ENOX2: variants seen among roughly 807,000 people sequenced by gnomAD.
ENOX2 encodes the protein APK1 antigen.
In ENOX2, 36 loss-of-function variants were observed where a neutral mutation model predicts 45.0. The observed-to-expected ratio is 0.80, with a 90% confidence interval of 0.61 to 1.06. The LOEUF is 1.06. ENOX2 is among the 50% of genes least tolerant of loss of function. The probability of loss-of-function intolerance (pLI) is 0.00; values close to 1 mark genes in which losing one functional copy is unlikely to be tolerated. For missense variants in ENOX2, 423 were observed against 462.5 expected, an observed-to-expected ratio of 0.91 and a Z score of 0.78; for synonymous variants, 174 against 152.3, an observed-to-expected ratio of 1.14 and a Z score of -1.05.
Position 130,872,977 on chromosome X carries a change from T to C in ENOX2, c.-183+28707A>G, listed in dbSNP as rs145037585. 9.0e-3 allele frequency among the ~76,000 whole-genome samples: 1,002 copies of C among 111,672 alleles called. 7 individuals are homozygous for C. Among genetic ancestry groups the C allele is most frequent in the East Asian group, 0.051 (181 of 3,536 alleles). The stretch of plus-strand genomic sequence containing the variant: ...AACCTAGGCAATACCATTCAGGACA[T>C]AGGCATGGGCAAAGACTTCATGAAT... On this transcript the variant is annotated intron_variant, in intron 2 of 14. Transcript: ENST00000394363.
intron 2 of ENOX2, among the ~76,000 whole-genome samples, chrX:130,805,660 G>C (rs766034526): frequency 9.0e-6 from 1 of 111,044 alleles, no homozygotes; most frequent in East Asian, 2.8e-4. Flanking sequence ...ATACATGCTG[G>C]GACACATTTT....
intron 3 of ENOX2, among the ~76,000 whole-genome samples, chrX:130,762,532 T>C (rs1016389126): frequency 4.5e-5 from 5 of 112,271 alleles, no homozygotes; most frequent in Non-Finnish European, 7.5e-5. Flanking sequence ...CAATGAGTTG[T>C]GATCATGCCA....
intron 6 of ENOX2, among the ~76,000 whole-genome samples, chrX:130,678,696 C>T (rs1033067186): frequency 6.3e-5 from 7 of 110,586 alleles, no homozygotes; most frequent in Non-Finnish European, 1.3e-4. Context: ...TTCCTCGGAG[C>T]ACTTAGTACT....
intron 5 of ENOX2, among the ~76,000 whole-genome samples, chrX:130,683,635 C>G (rs2037371037): frequency 9.0e-6 from 1 of 110,941 alleles, no homozygotes; most frequent in Admixed American, 9.6e-5. Context: ...CATAGAAGGT[C>G]TAATCGCTGA....
chrX:130,684,774 G>A (rs1181641290), intron 5 of ENOX2, among the ~76,000 whole-genome samples: 2 of 111,260 alleles, frequency 1.8e-5, no homozygotes, highest in African/African-American at 3.3e-5. Flanking sequence ...CTCCAGTATG[G>A]GCAACATGGC....
At chrX:130,770,488 T>C (rs1010198874) in intron 3 of ENOX2, among the ~76,000 whole-genome samples, 1 of 110,482 alleles carries the variant, frequency 9.1e-6, no homozygotes, top group African/African-American at 3.3e-5. Flanking sequence ...TTAAAATACA[T>C]GAGAAAACAT....
At chrX:130,630,205 C>T (rs1476938239) in intron 13 of ENOX2, among the ~76,000 whole-genome samples, 2 of 110,840 alleles carry the variant, frequency 1.8e-5, no homozygotes, top group Non-Finnish European at 3.8e-5. Context: ...CACTAGTGTC[C>T]AAAACACCAG....
At chrX:130,749,290 T>A (rs1269324047) in intron 3 of ENOX2, among the ~76,000 whole-genome samples, 1 of 111,664 alleles carries the variant, frequency 9.0e-6, no homozygotes, top group Non-Finnish European at 1.9e-5. Context: ...AGTAGAAACA[T>A]CTTAGGGAAA....
chrX:130,806,180 A>G (rs1433055662), intron 2 of ENOX2, among the ~76,000 whole-genome samples: 3 of 111,821 alleles, frequency 2.7e-5, no homozygotes, highest in Admixed American at 9.5e-5. Flanking sequence ...TGCTAGGGGA[A>G]AAGGAAAAAA....
intron 2 of ENOX2, among the ~76,000 whole-genome samples, chrX:130,898,477 TGTGTGTGTGCGTGTGCGTGTGTGTGTGC>T (rs1267379279): frequency 9.0e-6 from 1 of 111,015 alleles, no homozygotes; most frequent in Non-Finnish European, 1.9e-5. Flanking sequence ...CCTACACAGA[TGTGTGTGTGCGTGTGCGTGTGTGTGTGC>T]GTGTGTGTGT....
chrX:130,761,235 T>A (rs759481506), intron 3 of ENOX2, among the ~76,000 whole-genome samples: 322 of 112,039 alleles, frequency 2.9e-3, no homozygotes, highest in Non-Finnish European at 4.4e-3. Flanking sequence ...AGAGATTTTA[T>A]AGAATTTGTG....
chrX:130,723,636 TA>T (rs2038534955), intron 3 of ENOX2, among the ~76,000 whole-genome samples: 1 of 112,083 alleles, frequency 8.9e-6, no homozygotes, highest in African/African-American at 3.2e-5. Flanking sequence ...TCAGGGTTTG[TA>T]GCATTAAATA....
At chrX:130,763,816 G>A (rs1161904473) in intron 3 of ENOX2, among the ~76,000 whole-genome samples, 1 of 111,123 alleles carries the variant, frequency 9.0e-6, no homozygotes, top group Non-Finnish European at 1.9e-5. Flanking sequence ...GCTTCATGAA[G>A]GTAGAAATCT....
chrX:130,698,107 G>A (rs1436075553), intron 4 of ENOX2, among the ~76,000 whole-genome samples: 1 of 111,210 alleles, frequency 9.0e-6, no homozygotes, highest in Non-Finnish European at 1.9e-5. Flanking sequence ...TCTTGTTGTT[G>A]CCAGTAATCA....
intron 4 of ENOX2, among the ~76,000 whole-genome samples, chrX:130,691,673 C>T (rs926744324): frequency 8.9e-6 from 1 of 112,466 alleles, no homozygotes; most frequent in African/African-American, 3.2e-5. Context: ...AAAACAATCC[C>T]ATCTATTTTT....
At chrX:130,856,061 A>G (rs750582372) in intron 2 of ENOX2, among the ~76,000 whole-genome samples, 4 of 112,250 alleles carry the variant, frequency 3.6e-5, no homozygotes, top group African/African-American at 1.3e-4. Flanking sequence ...AAAAACAGTG[A>G]CACCACCATA....
At chrX:130,737,456 GCACACACACACA>G (rs112463994) in intron 3 of ENOX2, among the ~76,000 whole-genome samples, 4 of 107,233 alleles carry the variant, frequency 3.7e-5, no homozygotes, top group Non-Finnish European at 5.8e-5. Context: ...GCGTGCGCAC[GCACACACACACA>G]CACACACACA....
At chrX:130,793,155 G>A (rs762193222) in intron 2 of ENOX2, among the ~76,000 whole-genome samples, 6 of 112,491 alleles carry the variant, frequency 5.3e-5, no homozygotes, top group African/African-American at 1.9e-4. Flanking sequence ...TTAAATAAGA[G>A]ATTGTATGTT....
chrX:130,896,098 C>T (rs1425866686), intron 2 of ENOX2, among the ~76,000 whole-genome samples: 1 of 111,939 alleles, frequency 8.9e-6, no homozygotes, highest in African/African-American at 3.2e-5. Context: ...ACATATAAAT[C>T]TAAGAGCCAA....
Sources: allele counts gnomAD v4.1 joint callset (sites outside exome capture counted in the v4.1 genomes callset), GRCh38; gene constraint gnomAD v4.1.1; transcripts MANE v1.5; gene names NCBI Gene and HGNC (gene_info 2026-07-23, HGNC 2026-07-21).